Variants in AFM observed in about 807,000 individuals in gnomAD.
AFM encodes afamin.
AFM carries 82 observed loss-of-function variants against 68.7 expected under a neutral mutation model. The observed-to-expected ratio is 1.19, with a 90% CI of 1.00 to 1.43. The LOEUF is 1.43. Ranked by LOEUF, AFM falls within the 40% of genes most tolerant of loss-of-function variation. The pLI, the probability that AFM is intolerant of heterozygous loss-of-function variation, is 0.00. For missense variants in AFM, 772 were observed against 701.8 expected (o/e 1.10, Z -1.13); for synonymous variants, 250 against 234.2 (o/e 1.07, Z -0.61).
intron 4 of AFM, among the ~76,000 whole-genome samples, chr4:73,486,311 T>A (rs1720901427): frequency 6.6e-6 from 1 of 152,304 alleles, no homozygotes; most frequent in East Asian, 1.9e-4. Flanking sequence ...AATTGGTAAG[T>A]CCTAGAGCAG....
intron 1 of AFM, among the ~76,000 whole-genome samples, chr4:73,483,054 T>C (rs1720759971): frequency 6.6e-6 from 1 of 152,192 alleles, no homozygotes. Flanking sequence ...CTCATCAAAA[T>C]AGATTGACTT....
intron 13 of AFM, 72 bp from the exon 14 acceptor site, chr4:73,502,978 T>A: frequency 3.7e-6 from 5 of 1,352,688 alleles, no homozygotes; most frequent in Non-Finnish European, 5.3e-6. Context: ...CAGGAAAACA[T>A]GCTTATCTAA....
intron 12 of AFM, 62 bp downstream of exon 12, chr4:73,500,289 A>G: frequency 7.1e-7 from 1 of 1,407,040 alleles, no homozygotes; most frequent in Non-Finnish European, 9.8e-7. Flanking sequence ...TGTATTAGTG[A>G]GAAGGTTTAT....
At chr4:73,497,289 G>A (rs564858444) in intron 9 of AFM, among the ~76,000 whole-genome samples, 5 of 152,134 alleles carry the variant, frequency 3.3e-5, no homozygotes, top group Admixed American at 3.3e-4. Context: ...ATTTCACAAG[G>A]CCAGTTGCCT....
intron 9 of AFM, among the ~76,000 whole-genome samples, chr4:73,496,573 A>G (rs1721262816): frequency 6.6e-6 from 1 of 152,184 alleles, no homozygotes; most frequent in African/African-American, 2.4e-5. Context: ...GGAAATGCTC[A>G]TTTCAATGTC....
At chr4:73,500,557 A>G (rs1721400286) in intron 12 of AFM, among the ~76,000 whole-genome samples, 1 of 152,184 alleles carries the variant, frequency 6.6e-6, no homozygotes, top group African/African-American at 2.4e-5. Flanking sequence ...AATATCATTT[A>G]GTGTTTACAA....
chr4:73,491,412 A>G (rs1379480945), intron 7 of AFM, among the ~76,000 whole-genome samples: 1 of 152,172 alleles, frequency 6.6e-6, no homozygotes, highest in Non-Finnish European at 1.5e-5. Flanking sequence ...CTCACTTGTC[A>G]TTCTTTCATT....
intron 2 of AFM, 101 bp from the exon 3 acceptor site, chr4:73,484,157 A>G: frequency 6.8e-7 from 1 of 1,467,934 alleles, no homozygotes; most frequent in Non-Finnish European, 9.1e-7. Flanking sequence ...ATTACAATAG[A>G]TAATTTCCTG....
chr4:73,492,044 T>C lies in AFM; in HGVS notation c.1016T>C (p.Val339Ala). ...REGKFTDSEN[V>A]CQERDADPDT... is the part of the protein sequence containing the mutation. ...GGAAAATTTACTGACAGTGAAAATGTGTGTCAAGAACGAGATGCTGACCCA... is the reference window on the plus strand; with the variant it reads ...GGAAAATTTACTGACAGTGAAAATGCGTGTCAAGAACGAGATGCTGACCCA... The change falls in exon 8 of 15, where the codon GTG becomes GCG. Residue 339 changes from valine to alanine, a missense_variant. Val to Ala is a moderately conservative substitution (Grantham distance 64). Transcript: ENST00000226355. The C allele has an allele frequency of 6.2e-7, 1 of 1,613,100 alleles. No homozygotes were observed. The highest frequency in any genetic ancestry group is 8.5e-7 in the Non-Finnish European group (1 of 1,179,788).
chr4:73,499,275 CTTTT>C (rs67050083), intron 11 of AFM, 29 bp downstream of exon 11: 585 of 1,222,132 alleles, frequency 4.8e-4, no homozygotes, highest in African/African-American at 4.4e-3. Flanking sequence ...CCAGACTACT[CTTTT>C]TTTTTTTTTT....
chr4:73,486,074 G>A lies in AFM; in HGVS notation c.482+1G>A. On this transcript the variant is annotated splice_donor_variant, in intron 4 of 14. Coordinates refer to ENST00000226355, the MANE Select transcript of AFM (RefSeq NM_001133.2). LOFTEE classifies it high-confidence loss of function. Reference sequence around the variant, plus strand: ...GTAACAGAGAATCCCTTTTAAATCAGTAAGTTTAATCTTAGTAAAAAATGA... The same window carrying A: ...GTAACAGAGAATCCCTTTTAAATCAATAAGTTTAATCTTAGTAAAAAATGA... 1 of 1,610,722 alleles carries A rather than the reference G, an allele frequency of 6.2e-7. No individual in the cohort carries two copies. Among genetic ancestry groups the A allele is most frequent in the Non-Finnish European group, 8.5e-7 (1 of 1,177,092 alleles).
chr4:73,499,885 G>A (rs1721379087), intron 11 of AFM, 119 bp from the exon 12 acceptor site: 1 of 828,488 alleles, frequency 1.2e-6, no homozygotes, highest in Non-Finnish European at 1.9e-6. Flanking sequence ...GAGTGCATGT[G>A]TTTTATGAGT....
Position 73,481,896 on chromosome 4 carries a change from T to A in AFM, c.88+33T>A, listed in dbSNP as rs370247366. On this transcript the variant is annotated intron_variant, in intron 1 of 14. Transcript: ENST00000226355. Reference sequence around the variant, plus strand: ...ATTTACTTGTATATCAGCTAAAGCATGACCAGTTAGGATAATTTCTATTTT... The same window carrying A: ...ATTTACTTGTATATCAGCTAAAGCAAGACCAGTTAGGATAATTTCTATTTT... 1.1e-4 allele frequency: 150 copies of A among 1,374,456 alleles called. No individual in the cohort carries two copies. In the African/African-American group the frequency reaches 1.9e-3, roughly 17 times the overall value. 85.1% of individuals were successfully genotyped at this position (1,374,456 alleles called of 1,614,324 possible).
chr4:73,500,833 T>C (rs1188936151), intron 12 of AFM, among the ~76,000 whole-genome samples: 1 of 152,210 alleles, frequency 6.6e-6, no homozygotes, highest in Admixed American at 6.5e-5. Flanking sequence ...ATAATACTCT[T>C]ATTATGTGCA....
At chr4:73,498,275 A>G (rs1013740934) in intron 10 of AFM, among the ~76,000 whole-genome samples, 4 of 151,632 alleles carry the variant, frequency 2.6e-5, no homozygotes, top group Non-Finnish European at 4.4e-5. Context: ...CATTATTATT[A>G]TTGTTATTAT....
chr4:73,492,868 T>G (rs1445998162), intron 8 of AFM, among the ~76,000 whole-genome samples: 3 of 129,010 alleles, frequency 2.3e-5, no homozygotes, highest in Non-Finnish European at 5.0e-5. Context: ...GACTTTACTG[T>G]TTTTTTTTTT....
intron 10 of AFM, 30 bp from the exon 11 acceptor site, chr4:73,499,084 T>G: frequency 6.3e-7 from 1 of 1,599,938 alleles, no homozygotes; most frequent in Non-Finnish European, 8.5e-7. Flanking sequence ...CTGCTTTCAT[T>G]CAGAACCAAA....
intron 13 of AFM, 89 bp from the exon 14 acceptor site, chr4:73,502,961 C>A: frequency 1.6e-6 from 2 of 1,245,760 alleles, no homozygotes; most frequent in Non-Finnish European, 2.3e-6. Context: ...TAATTTTCTT[C>A]AAAATTCAGG....
rs767460010 is a variant in AFM, at chr4:73,500,059, C to G, written c.1478C>G (p.Pro493Arg). ...CGVNENRTIN[P>R]AVDHCCKTNF... ...GTAAATGAAAATCGAACTATCAACCCTGCTGTGGACCACTGCTGTAAAACA... is the reference window on the plus strand; with the variant it reads ...GTAAATGAAAATCGAACTATCAACCGTGCTGTGGACCACTGCTGTAAAACA... Residue 493 changes from proline (P) to arginine (R), a missense_variant, in exon 12 of 15, where the codon CCT (proline) becomes CGT (arginine). Physicochemically the swap from Pro to Arg is moderately radical, Grantham distance 103. Coordinates refer to ENST00000226355, the MANE Select transcript of AFM (RefSeq NM_001133.2). The G allele has an allele frequency of 1.1e-4, 184 of 1,613,902 alleles. No homozygotes were observed. Among genetic ancestry groups the G allele is most frequent in the Non-Finnish European group, 1.5e-4 (172 of 1,179,950 alleles).
Sources: allele counts gnomAD v4.1 joint callset (sites outside exome capture counted in the v4.1 genomes callset), GRCh38; gene constraint gnomAD v4.1.1; transcripts MANE v1.5; gene names NCBI Gene and HGNC (gene_info 2026-07-23, HGNC 2026-07-21).